RBFOX1: variants seen among roughly 807,000 people sequenced by gnomAD.
RBFOX1 encodes RNA binding protein fox-1 homolog 1.
In RBFOX1, 8 loss-of-function variants were observed where a neutral mutation model predicts 57.7. The observed-to-expected ratio is 0.14, with a 90% confidence interval of 0.08 to 0.25. The LOEUF (loss-of-function observed/expected upper bound fraction) is 0.25, where lower values mean the gene tolerates loss of function less well. Among genes scored for constraint, RBFOX1 ranks in the 10% least tolerant of loss-of-function variants. The pLI is 1.00. For missense variants in RBFOX1, 611 were observed against 548.5 expected (o/e 1.11, Z -1.14); for synonymous variants, 326 against 222.4 (o/e 1.47, Z -4.15).
At chr16:6,233,440 C>T (rs1020581854) in intron 1 of RBFOX1, among the ~76,000 whole-genome samples, 3 of 152,102 alleles carry the variant, frequency 2.0e-5, no homozygotes, top group Non-Finnish European at 4.4e-5. Flanking sequence ...CACCGCAACC[C>T]AAACAGCCTG....
At chr16:7,223,728 A>G (rs28403381) in intron 4 of RBFOX1, among the ~76,000 whole-genome samples, 26,879 of 150,926 alleles carry the variant, frequency 0.18, 3,222 homozygotes, top group African/African-American at 0.34. Context: ...AAAAAAAAAA[A>G]AAAGAAAAAG....
intron 3 of RBFOX1, among the ~76,000 whole-genome samples, chr16:5,773,837 A>G (rs1383707469): frequency 6.6e-6 from 1 of 152,082 alleles, no homozygotes; most frequent in African/African-American, 2.4e-5. Context: ...AGCTGGGACT[A>G]CAGGTGAGCA....
chr16:7,402,245 G>T (rs1167040921), intron 4 of RBFOX1, among the ~76,000 whole-genome samples: 1 of 152,056 alleles, frequency 6.6e-6, no homozygotes, highest in Non-Finnish European at 1.5e-5. Flanking sequence ...TGTAAGGGAG[G>T]GTCAACTAAG....
rs748095632 is a variant in RBFOX1 at position 5,821,288 on chromosome 16, C to CTTTTTTT, written c.319-46014_319-46008dup. On this transcript the variant is annotated intron_variant, in intron 3 of 19. Coordinates refer to the RBFOX1 transcript ENST00000641259. Reference sequence around the variant, plus strand: ...GGAAGTGGGCTGTCTGTCATTCTCTCTTTTTTTATTTTTTTTTTTTTTTTT... The same window carrying CTTTTTTT: ...GGAAGTGGGCTGTCTGTCATTCTCTCTTTTTTTTTTTTTTATTTTTTTTTTTTTTTTT... Among the ~76,000 whole-genome samples, 9 of 125,450 alleles carry CTTTTTTT rather than the reference C, an allele frequency of 7.2e-5. 2 individuals carry two copies. Among genetic ancestry groups the CTTTTTTT allele is most frequent in the Non-Finnish European group, 8.4e-5 (5 of 59,874 alleles). The allele number at this position is 125,450 out of a possible 152,430, so 82.3% of individuals were successfully genotyped here. A position where few individuals can be genotyped will look rare whatever the true frequency, so the allele number is the denominator to read the frequency against.
chr16:6,066,973 G>A (rs1474228711), intron 1 of RBFOX1, among the ~76,000 whole-genome samples: 1 of 152,134 alleles, frequency 6.6e-6, no homozygotes, highest in South Asian at 2.1e-4. Context: ...GGGCGGGGGA[G>A]GGCGGCAGGG....
intron 3 of RBFOX1, among the ~76,000 whole-genome samples, chr16:6,947,591 C>G (rs1246557033): frequency 6.6e-6 from 1 of 152,180 alleles, no homozygotes; most frequent in African/African-American, 2.4e-5. Context: ...AGCTTGCTGC[C>G]TCCTGCCTTG....
Position 6,235,558 on chromosome 16 carries a change from ATGTGTGTGTGTGTG to A in RBFOX1, c.-126-81413_-126-81400del, listed in dbSNP as rs3064942. ...CTGTGGTGTGTGTGTGCGTGTATGTATGTGTGTGTGTGTGTGTGTGTGTGTGTGTGTGTGTGTAT... is the reference window on the plus strand; with the variant it reads ...CTGTGGTGTGTGTGTGCGTGTATGTATGTGTGTGTGTGTGTGTGTGTGTAT... On this transcript the variant is annotated intron_variant, in intron 1 of 15. Coordinates refer to ENST00000550418, the MANE Select transcript of RBFOX1 (RefSeq NM_018723.4). Among the ~76,000 whole-genome samples, 80 of 147,256 alleles carry A rather than the reference ATGTGTGTGTGTGTG, an allele frequency of 5.4e-4. 2 individuals are homozygous for A. In the South Asian group the frequency reaches 0.011, roughly 21 times the overall value.
rs187103880 is a variant in RBFOX1, at chr16:6,236,845, T to G, written c.-126-80150T>G. 8.5e-4 allele frequency among the ~76,000 whole-genome samples: 130 copies of G among 152,294 alleles called. 1 individual carries two copies. Among genetic ancestry groups the G allele is most frequent in the African/African-American group, 2.7e-3 (114 of 41,570 alleles). ...AGAGCAACTTTACCCATTGGATATT[T>G]TATTCCTATAGTGTAAGTGAGGAAA... On this transcript the variant is annotated intron_variant, in intron 1 of 15. Coordinates refer to ENST00000550418, the MANE Select transcript of RBFOX1 (RefSeq NM_018723.4).
chr16:6,646,408 A>G (rs1169095349), intron 2 of RBFOX1, among the ~76,000 whole-genome samples: 1 of 152,164 alleles, frequency 6.6e-6, no homozygotes, highest in East Asian at 1.9e-4. Context: ...ACAAGAATAA[A>G]TTGAATAATC....
At position 6,498,719 on chromosome 16, in the gene RBFOX1, T is replaced by C. The variant is rs76525154; in HGVS notation, c.-63-155884T>C. 9.4e-3 allele frequency among the ~76,000 whole-genome samples: 1,435 copies of C among 152,328 alleles called. 9 individuals carry two copies. Among genetic ancestry groups the C allele is most frequent in the Middle Eastern group, 0.027 (8 of 294 alleles). The stretch of plus-strand genomic sequence containing the variant: ...ATTGTCCCAGAGTATTTACAATGTA[T>C]TAAGTCCTGGAAAATCTAAATAATA... On this transcript the variant is annotated intron_variant, in intron 2 of 15. Coordinates refer to ENST00000550418, the MANE Select transcript of RBFOX1 (RefSeq NM_018723.4).
chr16:7,161,462 C>T (rs1017926132), intron 4 of RBFOX1, among the ~76,000 whole-genome samples: 1 of 152,154 alleles, frequency 6.6e-6, no homozygotes, highest in African/African-American at 2.4e-5. Flanking sequence ...CTCTTCTAGT[C>T]ATTATTGCCT....
chr16:6,707,928 G>A (rs1603448974), intron 3 of RBFOX1, among the ~76,000 whole-genome samples: 1 of 152,204 alleles, frequency 6.6e-6, no homozygotes, highest in Admixed American at 6.5e-5. Context: ...TCAGGGAATG[G>A]AGTTGAGGAA....
chr16:6,360,370 A>G (rs1056942948), intron 2 of RBFOX1, among the ~76,000 whole-genome samples: 2 of 152,188 alleles, frequency 1.3e-5, no homozygotes, highest in African/African-American at 4.8e-5. Flanking sequence ...CTTGCACTGC[A>G]GGGACCAAAA....
rs556051184 is a variant in RBFOX1 at position 7,075,570 on chromosome 16, C to CT, written c.27+23480dup. 4.0e-3 allele frequency among the ~76,000 whole-genome samples: 612 copies of CT among 151,678 alleles called. 6 individuals carry two copies. The highest frequency in any genetic ancestry group is 4.6e-3 in the Non-Finnish European group (310 of 67,892). On this transcript the variant is annotated intron_variant, in intron 4 of 15. Transcript: ENST00000550418. ...GGGTTTGCATTTCTTTTTATTTTTTCTTTTTTTTATTTATTTTTCTTTTTT... is the reference window on the plus strand; with the variant it reads ...GGGTTTGCATTTCTTTTTATTTTTTCTTTTTTTTTATTTATTTTTCTTTTTT...
intron 11 of RBFOX1, among the ~76,000 whole-genome samples, chr16:7,648,376 C>A (rs1029961982): frequency 6.6e-6 from 1 of 152,016 alleles, no homozygotes; most frequent in South Asian, 2.1e-4. Context: ...AGATGCATAC[C>A]ACCACACCCA....
intron 1 of RBFOX1, among the ~76,000 whole-genome samples, chr16:5,463,247 A>C (rs1028719365): frequency 6.6e-6 from 1 of 152,114 alleles, no homozygotes; most frequent in East Asian, 1.9e-4. Flanking sequence ...GTTTTTTATA[A>C]ATCCAACTGA....
chr16:7,468,449 C>T (rs559358283), intron 4 of RBFOX1, among the ~76,000 whole-genome samples: 55 of 143,250 alleles, frequency 3.8e-4, no homozygotes, highest in East Asian at 1.2e-3. Context: ...TTGAGTCACT[C>T]GGAGGGTGTT....
At chr16:7,126,386 C>G (rs1404253470) in intron 4 of RBFOX1, 1 of 242,178 alleles carries the variant, frequency 4.1e-6, no homozygotes, top group African/African-American at 2.3e-5. Context: ...AAGATCAATT[C>G]CTGACTACTT....
intron 1 of RBFOX1, among the ~76,000 whole-genome samples, chr16:6,024,912 G>A (rs76277768): frequency 0.011 from 1,679 of 152,290 alleles, 29 homozygotes; most frequent in African/African-American, 0.038. Flanking sequence ...AAAGACTTCC[G>A]TTCTAGGATA....
Sources: gnomAD v4.1 joint callset for allele counts (sites outside exome capture counted in the v4.1 genomes callset) on GRCh38, gnomAD v4.1.1 for gene constraint, MANE v1.5 for transcripts, NCBI Gene and HGNC (gene_info 2026-07-23, HGNC 2026-07-21) for gene names.